ADD3: variants seen among roughly 807,000 people sequenced by gnomAD.
ADD3 encodes gamma-adducin.
A neutral mutation model predicts 80.2 loss-of-function variants in ADD3; 25 were observed. That is an observed-to-expected ratio of 0.31 (90% CI 0.23 to 0.44). The LOEUF (loss-of-function observed/expected upper bound fraction) is 0.44. Among genes scored for constraint, ADD3 ranks in the 20% least tolerant of loss-of-function variants. The pLI is 1.00. For missense variants in ADD3, 829 were observed against 847.5 expected (o/e 0.98, Z 0.27); for synonymous variants, 284 against 289.6 (o/e 0.98, Z 0.20).
upstream of ADD3, among the ~76,000 whole-genome samples, chr10:110,007,141 G>A (rs1005016671): frequency 2.6e-5 from 4 of 152,200 alleles, no homozygotes; most frequent in African/African-American, 9.6e-5. Flanking sequence ...AGTTTGCCCG[G>A]CCCCGCATTC....
At chr10:110,044,981 G>A (rs1856764613) in intron 1 of ADD3, among the ~76,000 whole-genome samples, 1 of 152,246 alleles carries the variant, frequency 6.6e-6, no homozygotes, top group Non-Finnish European at 1.5e-5. Context: ...ACCTGAGGAA[G>A]AACGTCAGTT....
chr10:110,035,845 AC>A (rs1355771297), intron 1 of ADD3, among the ~76,000 whole-genome samples: 1 of 151,996 alleles, frequency 6.6e-6, no homozygotes, highest in Non-Finnish European at 1.5e-5. Flanking sequence ...TTATGCCACC[AC>A]TGTCCCCATC....
intron 8 of ADD3, among the ~76,000 whole-genome samples, chr10:110,121,391 G>A (rs1327370830): frequency 6.6e-6 from 1 of 152,196 alleles, no homozygotes; most frequent in African/African-American, 2.4e-5. Flanking sequence ...GCTGAGGCGG[G>A]AGAATCGCTT....
intron 1 of ADD3, among the ~76,000 whole-genome samples, chr10:110,052,775 A>G (rs927108424): frequency 2.0e-5 from 3 of 152,254 alleles, no homozygotes; most frequent in Non-Finnish European, 4.4e-5. Flanking sequence ...TTCAGAGGTT[A>G]TATTTGATAG....
At chr10:110,058,669 C>G (rs1858504883) in intron 1 of ADD3, among the ~76,000 whole-genome samples, 1 of 152,150 alleles carries the variant, frequency 6.6e-6, no homozygotes, top group Admixed American at 6.5e-5. Flanking sequence ...AAAAAATGCT[C>G]ACCACCTCCT....
At chr10:109,999,221 C>T (rs1227996549) in intron 1 of ADD3, among the ~76,000 whole-genome samples, 1 of 152,186 alleles carries the variant, frequency 6.6e-6, no homozygotes, top group East Asian at 1.9e-4. Flanking sequence ...TCCAGGCAAA[C>T]AGATTTGTTT....
intron 2 of ADD3, 130 bp from the exon 3 acceptor site, chr10:110,112,647 T>C: frequency 9.3e-7 from 1 of 1,070,676 alleles, no homozygotes; most frequent in African/African-American, 1.6e-5. Flanking sequence ...TTGTGTTTTA[T>C]ATTTGTTTTT....
chr10:110,122,471 T>G lies in ADD3; in HGVS notation c.1143+179T>G, dbSNP rs534520372. 4.9e-4 allele frequency among the ~76,000 whole-genome samples: 71 copies of G among 145,352 alleles called. 1 individual carries two copies. The highest frequency in any genetic ancestry group is 1.7e-3 in the African/African-American group (64 of 37,564). ...TTAAACAGAACTTACAAATGTCGTG[T>G]TTTTTTTTTAAGATTACAATATATT... On this transcript the variant is annotated intron_variant, in intron 9 of 14. Coordinates refer to ENST00000356080, the MANE Select transcript of ADD3 (RefSeq NM_016824.5).
intron 1 of ADD3, among the ~76,000 whole-genome samples, chr10:110,030,755 C>CT (rs1298369914): frequency 2.6e-5 from 4 of 151,678 alleles, no homozygotes; most frequent in Non-Finnish European, 4.4e-5. Context: ...CATAAAATAA[C>CT]TTTTTTTAAT....
intron 12 of ADD3, among the ~76,000 whole-genome samples, chr10:110,129,102 C>A (rs1444163552): frequency 2.6e-5 from 4 of 151,822 alleles, no homozygotes; most frequent in Admixed American, 1.3e-4. Context: ...TAGGAGCCTG[C>A]AACTGTATTT....
intron 1 of ADD3, among the ~76,000 whole-genome samples, chr10:110,080,369 T>A (rs1845931951): frequency 6.6e-6 from 1 of 152,202 alleles, no homozygotes; most frequent in East Asian, 1.9e-4. Context: ...TGATTTAAAC[T>A]GGATAACCCA....
intron 1 of ADD3, among the ~76,000 whole-genome samples, chr10:110,047,464 T>C (rs1857022627): frequency 6.6e-6 from 1 of 152,162 alleles, no homozygotes; most frequent in South Asian, 2.1e-4. Context: ...GTGCTAGCAT[T>C]CTCCAAATAT....
upstream of ADD3, chr10:110,005,995 T>TGCTGCTGCTGCCGCCGCCGCC (rs1382032938): frequency 1.2e-4 from 30 of 245,700 alleles, no homozygotes; most frequent in Non-Finnish European, 1.8e-4. Context: ...CTAATGCTGC[T>TGCTGCTGCTGCCGCCGCCGCC]GCTGCTGCTG....
At chr10:110,117,859 A>G (rs1423813374) in intron 5 of ADD3, among the ~76,000 whole-genome samples, 1 of 152,066 alleles carries the variant, frequency 6.6e-6, no homozygotes, top group Non-Finnish European at 1.5e-5. Context: ...ACTAAAGATA[A>G]CAAAAAATTA....
At chr10:110,021,283 T>C (rs1853637152) in intron 1 of ADD3, among the ~76,000 whole-genome samples, 1 of 152,230 alleles carries the variant, frequency 6.6e-6, no homozygotes, top group African/African-American at 2.4e-5. Flanking sequence ...TACTGCCCTT[T>C]AAAAATGGAA....
rs1359135598 is a variant in ADD3, at chr10:110,116,327, A to T, written c.403A>T (p.Lys135Ter). The change falls in exon 4 of 15, where the codon AAA becomes TAA. Residue 135 changes from lysine (K) to a stop codon, truncating the protein, a stop_gained. Transcript: ENST00000356080. LOFTEE classifies it high-confidence loss of function. ...TACATCCTCATATGTGAAGGGAGAAAAACTTACTCGCTGTAAACTTGCCAG... is the reference window on the plus strand; with the variant it reads ...TACATCCTCATATGTGAAGGGAGAATAACTTACTCGCTGTAAACTTGCCAG... ...ADTSSYVKGE[K>*]LTRCKLASLY... 2 of 1,614,158 alleles carry T rather than the reference A, an allele frequency of 1.2e-6. No individual in the cohort carries two copies. The highest frequency in any genetic ancestry group is 1.7e-6 in the Non-Finnish European group (2 of 1,180,020).
upstream of ADD3, among the ~76,000 whole-genome samples, chr10:110,006,981 G>A (rs193017474): frequency 2.0e-5 from 3 of 152,174 alleles, no homozygotes; most frequent in African/African-American, 4.8e-5. Flanking sequence ...CAGGAGGGAC[G>A]TGGAAGTCGT....
At position 110,073,138 on chromosome 10, in the gene ADD3, C is replaced by CTTTTT. The variant is rs1189793476; in HGVS notation, c.-29-27470_-29-27466dup. ...CTTAACCTCTTTGAGTTTTAGTTTT[C>CTTTTT]TTTTTTTTTTTTTTTTTTTTTCGAG... is the stretch of plus-strand genomic sequence containing the variant. On this transcript the variant is annotated intron_variant, in intron 1 of 14. Coordinates refer to ENST00000356080, the MANE Select transcript of ADD3 (RefSeq NM_016824.5). Among the ~76,000 whole-genome samples, 88 of 94,216 alleles carry CTTTTT rather than the reference C, an allele frequency of 9.3e-4. 6 individuals carry two copies. Among genetic ancestry groups the CTTTTT allele is most frequent in the African/African-American group, 2.9e-3 (63 of 22,072 alleles). 61.8% of individuals were successfully genotyped at this position (94,216 alleles called of 152,430 possible). A position where few individuals can be genotyped will look rare whatever the true frequency, so the allele number is the denominator to read the frequency against.
At chr10:110,124,721 C>G (rs1851924863) in intron 10 of ADD3, among the ~76,000 whole-genome samples, 1 of 152,144 alleles carries the variant, frequency 6.6e-6, no homozygotes. Flanking sequence ...CTGCACATAG[C>G]TACCCTTAGG....
Sources: gnomAD v4.1 joint callset for allele counts (sites outside exome capture counted in the v4.1 genomes callset) on GRCh38, gnomAD v4.1.1 for gene constraint, MANE v1.5 for transcripts, NCBI Gene and HGNC (gene_info 2026-07-23, HGNC 2026-07-21) for gene names.